Variants in GALNTL6 observed in about 807,000 individuals in gnomAD.
GALNTL6 encodes polypeptide N-acetylgalactosaminyltransferase-like 6.
Under a neutral mutation model 73.7 loss-of-function variants are expected in GALNTL6, and 46 were observed. The observed-to-expected ratio is 0.62, with a 90% CI of 0.49 to 0.80. The LOEUF (loss-of-function observed/expected upper bound fraction) is 0.80. GALNTL6 is among the 30% of genes least tolerant of loss of function. The pLI is 0.00. For synonymous variants in GALNTL6, 259 were observed against 263.7 expected (o/e 0.98, Z 0.17); for missense variants, 604 against 755.0 (o/e 0.80, Z 2.34).
chr4:172,712,715 G>A (rs968756557), intron 5 of GALNTL6, among the ~76,000 whole-genome samples: 2 of 152,146 alleles, frequency 1.3e-5, no homozygotes, highest in Non-Finnish European at 2.9e-5. Flanking sequence ...TAAGGGGATT[G>A]AATGAGTTAC....
intron 11 of GALNTL6, among the ~76,000 whole-genome samples, chr4:173,021,253 A>G (rs1281499001): frequency 6.6e-6 from 1 of 151,426 alleles, no homozygotes; most frequent in Non-Finnish European, 1.5e-5. Context: ...GAAACTCTTC[A>G]TTTGTGTTTT....
At chr4:172,235,607 G>C (rs538394102) in intron 3 of GALNTL6, among the ~76,000 whole-genome samples, 3 of 151,840 alleles carry the variant, frequency 2.0e-5, no homozygotes, top group Non-Finnish European at 4.4e-5. Context: ...TAAAAATTTT[G>C]TTTGCAGTAA....
At position 172,552,621 on chromosome 4, in the gene GALNTL6, G is replaced by T. The variant is rs1735993492; in HGVS notation, c.553+203932G>T. ...AAATACATTTTTAGGATCAAAACAT[G>T]TCTACCCGCTCTATATACTAGGTCA... On this transcript the variant is annotated intron_variant, in intron 5 of 12. Coordinates refer to ENST00000506823, the MANE Select transcript of GALNTL6 (RefSeq NM_001034845.3). 2.0e-5 allele frequency among the ~76,000 whole-genome samples: 3 copies of T among 151,812 alleles called. No individual in the cohort carries two copies. In the South Asian group the frequency reaches 6.2e-4, roughly 32 times the overall value.
chr4:172,151,303 T>C (rs1443418708), intron 2 of GALNTL6, among the ~76,000 whole-genome samples: 1 of 152,178 alleles, frequency 6.6e-6, no homozygotes, highest in African/African-American at 2.4e-5. Context: ...AACCACGAGA[T>C]AAAGTTTGTT....
intron 2 of GALNTL6, among the ~76,000 whole-genome samples, chr4:172,118,840 T>C (rs1221829006): frequency 6.6e-6 from 1 of 152,126 alleles, no homozygotes; most frequent in Admixed American, 6.5e-5. Flanking sequence ...TTTTTTTTCT[T>C]TTTTTGTGAA....
chr4:172,186,977 T>C (rs914474465), intron 2 of GALNTL6, among the ~76,000 whole-genome samples: 1 of 152,102 alleles, frequency 6.6e-6, no homozygotes, highest in Non-Finnish European at 1.5e-5. Flanking sequence ...TTTTTAAAAT[T>C]GGTACATTGC....
chr4:172,707,346 T>C (rs1403687224), intron 5 of GALNTL6, among the ~76,000 whole-genome samples: 1 of 152,182 alleles, frequency 6.6e-6, no homozygotes, highest in East Asian at 1.9e-4. Flanking sequence ...CTACCACAAA[T>C]CAGTAGTCAG....
intron 3 of GALNTL6, among the ~76,000 whole-genome samples, chr4:172,245,256 G>A (rs1197659242): frequency 6.6e-6 from 1 of 152,072 alleles, no homozygotes; most frequent in African/African-American, 2.4e-5. Context: ...TTGCCACACA[G>A]AAAACTCTAA....
Position 171,870,040 on chromosome 4 carries a change from G to C in GALNTL6, c.138+55322G>C, listed in dbSNP as rs144955760. On this transcript the variant is annotated intron_variant, in intron 2 of 12. Transcript: ENST00000506823. ...GAGGGAACATATTTAATAAGTATTT[G>C]TTGAATACAGAAATATGTTTTATTT... 2.2e-4 allele frequency among the ~76,000 whole-genome samples: 33 copies of C among 152,334 alleles called. No homozygotes were observed. The East Asian group carries it at 6.2e-3, about 28-fold the overall frequency.
intron 8 of GALNTL6, among the ~76,000 whole-genome samples, chr4:172,896,888 G>T (rs1188155909): frequency 1.3e-5 from 2 of 152,026 alleles, no homozygotes; most frequent in African/African-American, 4.8e-5. Flanking sequence ...CTAGAGATCT[G>T]CTGTGGGACA....
At chr4:172,305,737 G>A (rs1383391868) in intron 3 of GALNTL6, among the ~76,000 whole-genome samples, 1 of 152,214 alleles carries the variant, frequency 6.6e-6, no homozygotes. Flanking sequence ...TGCTGGCTTT[G>A]TGTATAAAAA....
intron 3 of GALNTL6, among the ~76,000 whole-genome samples, chr4:172,253,205 C>T (rs1159629833): frequency 1.3e-5 from 2 of 151,818 alleles, no homozygotes; most frequent in South Asian, 2.1e-4. Flanking sequence ...GTAAACCCGT[C>T]GGATATGTCA....
intron 7 of GALNTL6, among the ~76,000 whole-genome samples, chr4:172,867,150 C>A (rs1356270206): frequency 6.6e-6 from 1 of 152,128 alleles, no homozygotes; most frequent in Non-Finnish European, 1.5e-5. Flanking sequence ...CAAAGGGAGA[C>A]CCTCCTAAGA....
intron 7 of GALNTL6, among the ~76,000 whole-genome samples, chr4:172,865,951 T>C (rs1336878100): frequency 6.6e-6 from 1 of 152,210 alleles, no homozygotes; most frequent in Non-Finnish European, 1.5e-5. Context: ...CTACCTGATT[T>C]CCAAAGACAC....
intron 5 of GALNTL6, among the ~76,000 whole-genome samples, chr4:172,400,982 T>G (rs541266386): frequency 6.6e-6 from 1 of 152,220 alleles, no homozygotes; most frequent in East Asian, 1.9e-4. Flanking sequence ...AATGAGACAA[T>G]CGGAGACTAA....
intron 2 of GALNTL6, among the ~76,000 whole-genome samples, chr4:172,136,595 A>C (rs1360420223): frequency 6.6e-6 from 1 of 152,030 alleles, no homozygotes; most frequent in African/African-American, 2.4e-5. Context: ...TTGCAGCTTG[A>C]TGGCATCAGA....
chr4:172,824,322 C>T (rs73000110), intron 7 of GALNTL6, among the ~76,000 whole-genome samples: 3,223 of 151,356 alleles, frequency 0.021, 130 homozygotes, highest in African/African-American at 0.074. Context: ...ACAGAGTTGG[C>T]CACAAGGGCT....
intron 3 of GALNTL6, among the ~76,000 whole-genome samples, chr4:172,296,686 A>T (rs991747563): frequency 6.6e-6 from 1 of 152,232 alleles, no homozygotes; most frequent in African/African-American, 2.4e-5. Flanking sequence ...TACAAAGGAC[A>T]TGAACTCATC....
At chr4:172,982,515 G>T (rs1175326089) in intron 10 of GALNTL6, among the ~76,000 whole-genome samples, 1 of 152,200 alleles carries the variant, frequency 6.6e-6, no homozygotes, top group Non-Finnish European at 1.5e-5. Flanking sequence ...ATAAGACAAT[G>T]GTCCTCATGA....
Sources: gnomAD v4.1 joint callset for allele counts (sites outside exome capture counted in the v4.1 genomes callset) on GRCh38, gnomAD v4.1.1 for gene constraint, MANE v1.5 for transcripts, NCBI Gene and HGNC (gene_info 2026-07-23, HGNC 2026-07-21) for gene names.